WDPCP: variants seen among roughly 807,000 people sequenced by gnomAD.
WDPCP encodes WD repeat containing planar cell polarity effector.
In WDPCP, 71 loss-of-function variants were observed where a neutral mutation model predicts 93.1. That is an observed-to-expected ratio of 0.76 (90% CI 0.63 to 0.93). The LOEUF (loss-of-function observed/expected upper bound fraction) is 0.93. Among genes scored for constraint, WDPCP ranks in the 40% least tolerant of loss-of-function variants. WDPCP has a pLI of 0.00. For synonymous variants in WDPCP, 315 were observed against 315.0 expected (o/e 1.00, Z 0.00); for missense variants, 844 against 887.4 (o/e 0.95, Z 0.62).
At chr2:63,130,708 C>A (rs1391155884) in intron 17 of WDPCP, among the ~76,000 whole-genome samples, 3 of 151,752 alleles carry the variant, frequency 2.0e-5, no homozygotes, top group Non-Finnish European at 2.9e-5. Context: ...TCTGTTCCAT[C>A]CAGTTGGTCT....
intron 10 of WDPCP, among the ~76,000 whole-genome samples, chr2:63,402,016 A>T (rs894405467): frequency 1.3e-5 from 2 of 152,128 alleles, no homozygotes; most frequent in Non-Finnish European, 2.9e-5. Context: ...ATAAAGACAC[A>T]TGCATGTTTA....
In WDPCP at chr2:63,615,888, A is replaced by G. The variant is rs1291837966; in HGVS notation, n.488+34771T>C. ...TGAGAATAAGCTTTCTCGTTTCACCATAGAGCTAAATTCATAGCACTACTT... is the reference window on the plus strand; with the variant it reads ...TGAGAATAAGCTTTCTCGTTTCACCGTAGAGCTAAATTCATAGCACTACTT... On this transcript the variant is annotated intron_variant and non_coding_transcript_variant, in intron 3 of 4. Transcript: ENST00000467687. Among the ~76,000 whole-genome samples the G allele has an allele frequency of 2.0e-5, 3 of 152,240 alleles. No homozygotes were observed. The East Asian group carries it at 5.8e-4, about 29-fold the overall frequency.
At chr2:63,801,463 A>G (rs549966506) in intron 2 of WDPCP, among the ~76,000 whole-genome samples, 19 of 152,244 alleles carry the variant, frequency 1.2e-4, no homozygotes, top group Admixed American at 1.2e-3. Flanking sequence ...AGAGCAAAAG[A>G]ACAAAGCTCC....
chr2:63,473,811 T>C (rs1200950331), intron 6 of WDPCP, among the ~76,000 whole-genome samples: 1 of 152,184 alleles, frequency 6.6e-6, no homozygotes. Context: ...GGAAGACCTA[T>C]GTGTGTTCCA....
intron 14 of WDPCP, among the ~76,000 whole-genome samples, chr2:63,216,067 G>A: frequency 6.6e-6 from 1 of 152,186 alleles, no homozygotes; most frequent in South Asian, 2.1e-4. Context: ...ACATGTGCTG[G>A]AGAGGATGTG....
rs780339816 is a variant in WDPCP at position 63,484,585 on chromosome 2, G to C, written c.384+19C>G. 9 of 1,612,352 alleles carry C rather than the reference G, an allele frequency of 5.6e-6. No homozygotes were observed. In the South Asian group the frequency reaches 7.7e-5, roughly 14 times the overall value. On this transcript the variant is annotated intron_variant, in intron 6 of 17. Transcript: ENST00000272321. ...GCTCCATTGGTTAAACACTGCAAAGGCTTGTCAAATCATTTTACCTGACAG... is the reference window on the plus strand; with the variant it reads ...GCTCCATTGGTTAAACACTGCAAAGCCTTGTCAAATCATTTTACCTGACAG...
At chr2:63,163,101 C>G (rs1421586177) in intron 15 of WDPCP, among the ~76,000 whole-genome samples, 1 of 152,122 alleles carries the variant, frequency 6.6e-6, no homozygotes, top group Admixed American at 6.5e-5. Context: ...TATAACTTCT[C>G]TTACTCAATA....
rs727503781 is a variant in WDPCP, at chr2:63,437,500, CAT to C, written c.552_553del (p.Cys185PhefsTer12). 11 of 1,599,620 alleles carry C rather than the reference CAT, an allele frequency of 6.9e-6. No individual in the cohort carries two copies. Among genetic ancestry groups the C allele is most frequent in the South Asian group, 4.6e-5 (4 of 87,542 alleles). ...CATCTTCTTGGTAAACTGAATAAAA[CAT>C]AGTTTGTTTTGTGCCAAAAATGATA... is the stretch of plus-strand genomic sequence containing the variant. On this transcript the variant is annotated frameshift_variant, in exon 8 of 18. Transcript: ENST00000272321. LOFTEE classifies it high-confidence loss of function.
intron 12 of WDPCP, among the ~76,000 whole-genome samples, chr2:63,319,640 G>C (rs1311517882): frequency 1.3e-5 from 2 of 152,024 alleles, no homozygotes; most frequent in African/African-American, 4.8e-5. Context: ...TACCGCGCCT[G>C]GCTAATTTTT....
intron 1 of WDPCP, among the ~76,000 whole-genome samples, chr2:63,535,064 A>G (rs1704172914): frequency 6.6e-6 from 1 of 152,286 alleles, no homozygotes; most frequent in East Asian, 1.9e-4. Context: ...CTATACACCA[A>G]TAATAGACAA....
intron 3 of WDPCP, among the ~76,000 whole-genome samples, chr2:63,646,938 T>C (rs1710058780): frequency 6.6e-6 from 1 of 152,202 alleles, no homozygotes; most frequent in African/African-American, 2.4e-5. Flanking sequence ...TACTTGGATA[T>C]TGAGATCTTT....
Position 63,730,512 on chromosome 2 carries a change from G to A in WDPCP, n.309-79674C>T, listed in dbSNP as rs148588428. ...GGAGTCTCGCTCTGTTGCCCAGGCT[G>A]GAGTGCAACAGCGTAATCTCAGATC... On this transcript the variant is annotated intron_variant and non_coding_transcript_variant, in intron 2 of 4. Transcript: ENST00000467687. Among the ~76,000 whole-genome samples, 623 of 152,216 alleles carry A rather than the reference G, an allele frequency of 4.1e-3. 2 individuals carry two copies. Among genetic ancestry groups the A allele is most frequent in the African/African-American group, 0.014 (583 of 41,522 alleles).
At chr2:63,552,923 T>C (rs1705792866) in intron 1 of WDPCP, among the ~76,000 whole-genome samples, 1 of 152,110 alleles carries the variant, frequency 6.6e-6, no homozygotes, top group Admixed American at 6.5e-5. Context: ...TGTCTAAAGG[T>C]GATTTCTACT....
At chr2:63,395,645 G>A (rs967741971) in intron 10 of WDPCP, among the ~76,000 whole-genome samples, 2 of 152,182 alleles carry the variant, frequency 1.3e-5, no homozygotes, top group Non-Finnish European at 2.9e-5. Context: ...GGCCTTGAGA[G>A]AATTTTTTGG....
intron 13 of WDPCP, among the ~76,000 whole-genome samples, chr2:63,265,981 C>CA (rs1434401563): frequency 6.6e-6 from 1 of 151,830 alleles, no homozygotes; most frequent in Non-Finnish European, 1.5e-5. Flanking sequence ...GATAAAAACT[C>CA]AAAAAAATAT....
upstream of WDPCP, among the ~76,000 whole-genome samples, chr2:63,592,763 T>C (rs1709224828): frequency 6.6e-6 from 1 of 152,236 alleles, no homozygotes; most frequent in African/African-American, 2.4e-5. Flanking sequence ...AGGACCCAGC[T>C]ATTCCTTCAA....
intron 9 of WDPCP, among the ~76,000 whole-genome samples, chr2:63,415,585 G>T (rs1477833867): frequency 6.6e-6 from 1 of 152,216 alleles, no homozygotes; most frequent in Admixed American, 6.5e-5. Flanking sequence ...CCACTAATAA[G>T]TGATAGAGTT....
chr2:63,383,394 C>A (rs972635924), intron 10 of WDPCP, among the ~76,000 whole-genome samples: 2 of 152,010 alleles, frequency 1.3e-5, no homozygotes, highest in African/African-American at 2.4e-5. Context: ...ACTGACAGAA[C>A]TAAAAGGAGA....
At chr2:63,810,273 T>C (rs965257430) in intron 2 of WDPCP, among the ~76,000 whole-genome samples, 2 of 152,250 alleles carry the variant, frequency 1.3e-5, no homozygotes, top group Non-Finnish European at 2.9e-5. Flanking sequence ...CTTTCAAATA[T>C]ATACTCCAGC....
Sources: allele counts gnomAD v4.1 joint callset (sites outside exome capture counted in the v4.1 genomes callset), GRCh38; gene constraint gnomAD v4.1.1; transcripts MANE v1.5; gene names NCBI Gene and HGNC (gene_info 2026-07-23, HGNC 2026-07-21).